EZH2: variants seen among roughly 807,000 people sequenced by gnomAD.
EZH2 encodes the protein histone-lysine N-methyltransferase EZH2.
Under a neutral mutation model 98.4 loss-of-function variants are expected in EZH2, and 18 were observed. The observed-to-expected ratio is 0.18, with a 90% CI of 0.13 to 0.27. The LOEUF is 0.27. EZH2 is among the 10% of genes least tolerant of loss of function. The pLI is 1.00. For missense variants in EZH2, 470 were observed against 935.1 expected (o/e 0.50, Z 6.49); for synonymous variants, 338 against 312.3 (o/e 1.08, Z -0.87).
chr7:148,866,563 C>CGTATATACAT (rs1818519844), intron 1 of EZH2, among the ~76,000 whole-genome samples: 9 of 122,798 alleles, frequency 7.3e-5, no homozygotes, highest in Non-Finnish European at 1.7e-5. Context: ...TACATATATA[C>CGTATATACAT]ATATATATAC....
intron 1 of EZH2, among the ~76,000 whole-genome samples, chr7:148,848,143 T>C (rs528007036): frequency 1.3e-5 from 2 of 152,332 alleles, no homozygotes; most frequent in African/African-American, 4.8e-5. Context: ...CAGGACATTC[T>C]CTGTCAGGCT....
At chr7:148,837,978 G>T (rs140157989) in intron 3 of EZH2, among the ~76,000 whole-genome samples, 7 of 151,826 alleles carry the variant, frequency 4.6e-5, no homozygotes, top group Admixed American at 4.6e-4. Context: ...TGTAATTAAC[G>T]GTTTCTACAT....
At chr7:148,850,160 C>A (rs894500236) in intron 1 of EZH2, among the ~76,000 whole-genome samples, 1 of 151,826 alleles carries the variant, frequency 6.6e-6, no homozygotes, top group African/African-American at 2.4e-5. Flanking sequence ...GTGGGACTAC[C>A]GGTGCCCGCC....
At chr7:148,821,261 G>T (rs1159715473) in intron 8 of EZH2, among the ~76,000 whole-genome samples, 1 of 152,106 alleles carries the variant, frequency 6.6e-6, no homozygotes, top group Non-Finnish European at 1.5e-5. Context: ...ATGCAGTAAG[G>T]TAGCAGGGTA....
Position 148,818,035 on chromosome 7 carries a change from C to A in EZH2, c.1082G>T (p.Gly361Val). The part of the protein sequence containing the change: ...PPKRPGGRRR[G>V]RLPNNSSRPS... ...CCTGCTACTGTTATTGGGAAGCCGT[C>A]CTCTTCTGCGGCCTCCTGGACGTTT... Residue 361 changes from glycine (G) to valine (V), a missense_variant, in exon 10 of 20, where the codon GGA becomes GTA. By Grantham distance (109) the Gly-to-Val change is moderately radical. This residue lies in a region of EZH2 where 192 missense variants were observed against 306.8 expected (regional missense o/e 0.63). Transcript: ENST00000320356. 6.2e-7 allele frequency: 1 copy of A among 1,614,128 alleles called. No homozygotes were observed. The highest frequency in any genetic ancestry group is 8.5e-7 in the Non-Finnish European group (1 of 1,180,010).
At chr7:148,835,720 G>C (rs914445425) in intron 3 of EZH2, among the ~76,000 whole-genome samples, 1 of 152,104 alleles carries the variant, frequency 6.6e-6, no homozygotes, top group Non-Finnish European at 1.5e-5. Context: ...AGGAAGAAGT[G>C]CTTTGAAAGC....
chr7:148,855,000 G>A (rs1373454584), intron 1 of EZH2, among the ~76,000 whole-genome samples: 1 of 152,210 alleles, frequency 6.6e-6, no homozygotes, highest in East Asian at 1.9e-4. Flanking sequence ...ATGCCTGAGG[G>A]GGAATATAGA....
chr7:148,880,761 T>C (rs1820835196), intron 1 of EZH2, among the ~76,000 whole-genome samples: 1 of 152,242 alleles, frequency 6.6e-6, no homozygotes, highest in African/African-American at 2.4e-5. Flanking sequence ...TTTTTCATAT[T>C]TCCTTAATTC....
intron 1 of EZH2, among the ~76,000 whole-genome samples, chr7:148,882,670 T>C (rs1443293937): frequency 6.6e-6 from 1 of 152,194 alleles, no homozygotes; most frequent in Non-Finnish European, 1.5e-5. Context: ...CTACATTCAA[T>C]TGTGACAGCA....
At chr7:148,851,470 CT>C (rs1420089821) in intron 1 of EZH2, among the ~76,000 whole-genome samples, 2 of 152,192 alleles carry the variant, frequency 1.3e-5, no homozygotes, top group African/African-American at 4.8e-5. Context: ...GTTAGCTCCC[CT>C]GACCTCCTTC....
intron 1 of EZH2, among the ~76,000 whole-genome samples, chr7:148,869,862 G>A (rs756666471): frequency 2.0e-5 from 3 of 152,200 alleles, no homozygotes; most frequent in African/African-American, 7.2e-5. Flanking sequence ...TATAATGGCA[G>A]AGCCTCGCCC....
intron 3 of EZH2, among the ~76,000 whole-genome samples, chr7:148,833,926 TA>T (rs952604806): frequency 4.6e-5 from 7 of 152,172 alleles, no homozygotes; most frequent in African/African-American, 7.2e-5. Flanking sequence ...ACCATATTGC[TA>T]AAATGTGTCA....
chr7:148,841,055 C>T (rs569728976), intron 3 of EZH2, among the ~76,000 whole-genome samples: 1 of 152,020 alleles, frequency 6.6e-6, no homozygotes, highest in African/African-American at 2.4e-5. Context: ...TTATTAGTTG[C>T]CTAAATTTGA....
intron 11 of EZH2, 110 bp downstream of exon 11, chr7:148,817,112 G>C (rs1804765819): frequency 3.0e-6 from 3 of 996,472 alleles, no homozygotes; most frequent in Non-Finnish European, 4.2e-6. Flanking sequence ...ATTTTTAGGA[G>C]ATGAATAGGA....
At chr7:148,808,658 A>C (rs1224759830) in intron 19 of EZH2, among the ~76,000 whole-genome samples, 1 of 152,204 alleles carries the variant, frequency 6.6e-6, no homozygotes, top group Non-Finnish European at 1.5e-5. Flanking sequence ...CAAACAATAA[A>C]TTAAGTAGAT....
intron 1 of EZH2, among the ~76,000 whole-genome samples, chr7:148,880,711 G>A (rs1322570521): frequency 6.6e-6 from 1 of 152,122 alleles, no homozygotes; most frequent in Non-Finnish European, 1.5e-5. Flanking sequence ...AACATATCCT[G>A]TTCACTTTGC....
At chr7:148,815,439 T>C in intron 13 of EZH2, 67 bp downstream of exon 13, 1 of 1,510,176 alleles carries the variant, frequency 6.6e-7, no homozygotes, top group South Asian at 1.1e-5. Context: ...CAGTTACTAT[T>C]CTAAAACAAA....
chr7:148,808,935 AC>A, intron 19 of EZH2, 135 bp downstream of exon 19: 1 of 651,528 alleles, frequency 1.5e-6, no homozygotes, highest in Admixed American at 2.8e-5. Context: ...GGAAAGTGTA[AC>A]CTAATTCCCC....
At chr7:148,818,913 T>A in intron 9 of EZH2, 1 of 376,444 alleles carries the variant, frequency 2.7e-6, no homozygotes, top group Non-Finnish European at 5.3e-6. Flanking sequence ...AAGGGAGAAG[T>A]TTGACAGCAG....
Sources: allele counts gnomAD v4.1 joint callset (sites outside exome capture counted in the v4.1 genomes callset), GRCh38; gene constraint gnomAD v4.1.1; regional missense constraint gnomAD v4.1.1; transcripts MANE v1.5; gene names NCBI Gene and HGNC (gene_info 2026-07-23, HGNC 2026-07-21).